Variants in TMEM63C observed in about 807,000 individuals in gnomAD.
TMEM63C encodes the protein osmosensitive cation channel TMEM63C.
TMEM63C carries 32 observed loss-of-function variants against 99.2 expected under a neutral mutation model. The observed-to-expected ratio is 0.32, with a 90% CI of 0.24 to 0.43. The LOEUF (loss-of-function observed/expected upper bound fraction) is 0.43. TMEM63C is among the 20% of genes least tolerant of loss of function. TMEM63C has a pLI of 1.00. For missense variants in TMEM63C, 826 were observed against 1,053.0 expected, an observed-to-expected ratio of 0.78 and a Z score of 2.98; for synonymous variants, 376 against 397.9, an observed-to-expected ratio of 0.94 and a Z score of 0.66.
intron 2 of TMEM63C, among the ~76,000 whole-genome samples, chr14:77,215,614 A>AAAGAAAAG (rs1555347252): frequency 0.017 from 1,279 of 76,502 alleles, 45 homozygotes; most frequent in African/African-American, 0.068. Context: ...AAAAAAAAAA[A>AAAGAAAAG]AAAAGAAAAG....
At position 77,239,745 on chromosome 14, in the gene TMEM63C, G is replaced by A. The variant is rs777934248; in HGVS notation, c.930+19G>A. The A allele has an allele frequency of 1.2e-6, 2 of 1,611,632 alleles. No individual in the cohort carries two copies. The highest frequency in any genetic ancestry group is 1.1e-5 in the South Asian group (1 of 90,768). On this transcript the variant is annotated intron_variant, in intron 12 of 23. Transcript: ENST00000298351. Reference sequence around the variant, plus strand: ...CAAGGAGGTAACTGGCTTGAGCGTTGGGAGCACAGCAAGGGAGCGGTGGGG... The same window carrying A: ...CAAGGAGGTAACTGGCTTGAGCGTTAGGAGCACAGCAAGGGAGCGGTGGGG...
At position 77,218,970 on chromosome 14, in the gene TMEM63C, C is replaced by T; in HGVS notation, c.150+7C>T. On this transcript the variant is annotated splice_region_variant and intron_variant, in intron 3 of 23. Coordinates refer to ENST00000298351, the MANE Select transcript of TMEM63C (RefSeq NM_020431.4). ...CAACATCGCCCTGTGGGTGGTGAGT[C>T]CTGGGCACTGCAGGAGGCAGACAGT... is the stretch of plus-strand genomic sequence containing the variant. 1 of 1,560,736 alleles carries T rather than the reference C, an allele frequency of 6.4e-7. No individual in the cohort carries two copies. The highest frequency in any genetic ancestry group is 8.7e-7 in the Non-Finnish European group (1 of 1,153,062).
intron 5 of TMEM63C, among the ~76,000 whole-genome samples, chr14:77,222,379 A>G (rs1418323548): frequency 6.6e-6 from 1 of 152,158 alleles, no homozygotes; most frequent in Non-Finnish European, 1.5e-5. Context: ...CCCCTGGTCC[A>G]GGCCTCCATC....
At chr14:77,190,943 C>T (rs1250135289) in intron 1 of TMEM63C, among the ~76,000 whole-genome samples, 2 of 151,754 alleles carry the variant, frequency 1.3e-5, no homozygotes, top group East Asian at 1.9e-4. Context: ...AAATTGTAGA[C>T]GGTAAGATTG....
intron 1 of TMEM63C, among the ~76,000 whole-genome samples, chr14:77,195,607 G>A (rs767677760): frequency 6.6e-6 from 1 of 152,156 alleles, no homozygotes; most frequent in Non-Finnish European, 1.5e-5. Flanking sequence ...TGGGTGATGT[G>A]TATGACCCCT....
intron 1 of TMEM63C, among the ~76,000 whole-genome samples, chr14:77,208,761 A>G (rs763796192): frequency 3.3e-5 from 5 of 152,216 alleles, no homozygotes; most frequent in African/African-American, 1.2e-4. Flanking sequence ...AACTCACTCA[A>G]TAAGTGTTAG....
At chr14:77,194,740 A>AT (rs11314660) in intron 1 of TMEM63C, among the ~76,000 whole-genome samples, 15 of 144,662 alleles carry the variant, frequency 1.0e-4, no homozygotes, top group African/African-American at 3.8e-4. Flanking sequence ...CATCCAGCTA[A>AT]TTTTTTTTTT....
At chr14:77,251,160 G>T (rs1285212689) in intron 21 of TMEM63C, among the ~76,000 whole-genome samples, 2 of 152,230 alleles carry the variant, frequency 1.3e-5, no homozygotes, top group African/African-American at 2.4e-5. Context: ...TTGCATGAAA[G>T]TCTACCAGTT....
intron 5 of TMEM63C, among the ~76,000 whole-genome samples, chr14:77,220,948 A>C (rs1300656384): frequency 4.3e-4 from 3 of 6,946 alleles, no homozygotes; most frequent in Non-Finnish European, 4.1e-4. Context: ...CTCCCCTCCC[A>C]CTCTCGCCTC....
At chr14:77,182,885 T>C (rs1887937728) in intron 1 of TMEM63C, among the ~76,000 whole-genome samples, 1 of 152,042 alleles carries the variant, frequency 6.6e-6, no homozygotes, top group African/African-American at 2.4e-5. Flanking sequence ...AATGAGGAGA[T>C]GAACTTTCTC....
rs188186420 is a variant in TMEM63C, at chr14:77,236,102, C to T, written c.543-522C>T. Among the ~76,000 whole-genome samples, 25 of 2,966 alleles carry T rather than the reference C, an allele frequency of 8.4e-3. 6 individuals are homozygous for T. The highest frequency in any genetic ancestry group is 0.029 in the African/African-American group (18 of 628). The allele number at this position is 2,966 out of a possible 152,430, so 1.9% of individuals were successfully genotyped here. On this transcript the variant is annotated intron_variant, in intron 8 of 23. Coordinates refer to ENST00000298351, the MANE Select transcript of TMEM63C (RefSeq NM_020431.4). ...ATGGGGAGACTGCGATGGGTGGGGGCATGGGGAGACTGTGATGGTAGGGGG... is the reference window on the plus strand; with the variant it reads ...ATGGGGAGACTGCGATGGGTGGGGGTATGGGGAGACTGTGATGGTAGGGGG...
intron 1 of TMEM63C, among the ~76,000 whole-genome samples, chr14:77,209,397 T>C (rs1447036035): frequency 6.6e-6 from 1 of 152,168 alleles, no homozygotes; most frequent in Non-Finnish European, 1.5e-5. Flanking sequence ...ACCACCTACA[T>C]TTTATTCTTT....
At chr14:77,248,595 G>T in intron 19 of TMEM63C, 86 bp downstream of exon 19, 2 of 1,532,944 alleles carry the variant, frequency 1.3e-6, no homozygotes, top group Non-Finnish European at 8.8e-7. Flanking sequence ...CACCAAGGGG[G>T]TTGAGGTGGG....
At chr14:77,236,511 T>C (rs1354615502) in intron 8 of TMEM63C, 113 bp from the exon 9 acceptor site, 6 of 693,338 alleles carry the variant, frequency 8.7e-6, no homozygotes, top group African/African-American at 5.8e-5. Context: ...GAGACTGTGA[T>C]GGGCTGGGGG....
At chr14:77,243,188 C>A in intron 15 of TMEM63C, 132 bp downstream of exon 15, 3 of 1,119,164 alleles carry the variant, frequency 2.7e-6, no homozygotes, top group Non-Finnish European at 2.5e-6. Context: ...GTGGAGGTGG[C>A]CATGGTGCAA....
intron 1 of TMEM63C, among the ~76,000 whole-genome samples, chr14:77,191,542 T>C (rs1455134233): frequency 3.2e-5 from 2 of 62,386 alleles, no homozygotes; most frequent in Non-Finnish European, 6.9e-5. Flanking sequence ...CTTTTTCTTT[T>C]TTTTTTTTTT....
At chr14:77,242,783 G>A in intron 14 of TMEM63C, 120 bp from the exon 15 acceptor site, 1 of 1,215,340 alleles carries the variant, frequency 8.2e-7, no homozygotes, top group Non-Finnish European at 1.2e-6. Context: ...TGCAAGTCTG[G>A]GCCCAGGAGG....
At position 77,258,344 on chromosome 14, in the gene TMEM63C, CT is replaced by C; in HGVS notation, c.*1621del. ...CACCTAGACCTTGTCCCTGCCCCACCTTTGCCCCATCCTAGCCCCAGAAGCT... is the reference window on the plus strand; with the variant it reads ...CACCTAGACCTTGTCCCTGCCCCACCTTGCCCCATCCTAGCCCCAGAAGCT... On this transcript the variant is annotated 3_prime_UTR_variant, in exon 24 of 24. Transcript: ENST00000298351. 1 of 152,766 alleles carries C rather than the reference CT, an allele frequency of 6.5e-6. No individual in the cohort carries two copies. Among genetic ancestry groups the C allele is most frequent in the East Asian group, 1.9e-4 (1 of 5,194 alleles). The allele number at this position is 152,766 out of a possible 1,614,324, so 9.5% of individuals were successfully genotyped here.
intron 9 of TMEM63C, among the ~76,000 whole-genome samples, chr14:77,236,937 C>T (rs67130018): frequency 0.17 from 20,966 of 122,488 alleles, 1,577 homozygotes; most frequent in African/African-American, 0.25. Flanking sequence ...TCACCCTTCT[C>T]CACCCTCTCA....
Sources: allele counts gnomAD v4.1 joint callset (sites outside exome capture counted in the v4.1 genomes callset), GRCh38; gene constraint gnomAD v4.1.1; transcripts MANE v1.5; gene names NCBI Gene and HGNC (gene_info 2026-07-23, HGNC 2026-07-21).